Variants in ADARB2 observed in about 807,000 individuals in gnomAD.
The protein encoded by ADARB2 is inactive double-stranded RNA-specific editase B2.
Under a neutral mutation model 62.2 loss-of-function variants are expected in ADARB2, and 25 were observed. The observed-to-expected ratio is 0.40, with a 90% confidence interval of 0.29 to 0.56. ADARB2 has a LOEUF of 0.56. ADARB2 is among the 20% of genes least tolerant of loss of function. ADARB2 has a pLI of 0.43. For synonymous variants in ADARB2, 572 were observed against 500.8 expected, an observed-to-expected ratio of 1.14 and a Z score of -1.90; for missense variants, 1,071 against 1,077.4, an observed-to-expected ratio of 0.99 and a Z score of 0.08.
At chr10:1,632,034 AGACATTTTAATAAAATGCTGTTGATTT>A (rs1194078993) in intron 1 of ADARB2, among the ~76,000 whole-genome samples, 1 of 152,214 alleles carries the variant, frequency 6.6e-6, no homozygotes, top group African/African-American at 2.4e-5. Context: ...GGGAGGACTG[AGACATTTTAATAAAATGCTGTTGATTT>A]TCAAAGGTAT....
chr10:1,617,822 T>A (rs74108961), intron 1 of ADARB2, among the ~76,000 whole-genome samples: 2,338 of 152,294 alleles, frequency 0.015, 57 homozygotes, highest in African/African-American at 0.053. Context: ...CAGAGGGTTT[T>A]GCATTCTGTT....
chr10:1,434,096 G>C (rs1830806708), intron 1 of ADARB2, among the ~76,000 whole-genome samples: 2 of 152,156 alleles, frequency 1.3e-5, no homozygotes, highest in Non-Finnish European at 2.9e-5. Context: ...GTTAAAAAAG[G>C]GTTTGAGTTT....
At chr10:1,360,780 C>T (rs1243419077) in intron 3 of ADARB2, among the ~76,000 whole-genome samples, 1 of 152,200 alleles carries the variant, frequency 6.6e-6, no homozygotes, top group Non-Finnish European at 1.5e-5. Flanking sequence ...TAGGGACTGT[C>T]AGAGAAAAAT....
intron 1 of ADARB2, among the ~76,000 whole-genome samples, chr10:1,516,493 ATGCGGGCTGCTCTG>A (rs527933370): frequency 4.4e-4 from 67 of 150,970 alleles, no homozygotes; most frequent in Non-Finnish European, 5.8e-4. Context: ...GCTCTGTGCT[ATGCGGGCTGCTCTG>A]TGCGGGCTGC....
At chr10:1,317,599 T>A (rs1184934541) in intron 3 of ADARB2, among the ~76,000 whole-genome samples, 2 of 152,218 alleles carry the variant, frequency 1.3e-5, no homozygotes, top group Non-Finnish European at 2.9e-5. Flanking sequence ...TTGGGTTTGG[T>A]GCAGGAGTTG....
intron 1 of ADARB2, among the ~76,000 whole-genome samples, chr10:1,452,311 G>A (rs1193396678): frequency 6.6e-6 from 1 of 152,048 alleles, no homozygotes; most frequent in Non-Finnish European, 1.5e-5. Flanking sequence ...CTGTGTCTTG[G>A]GTTTGAATAA....
chr10:1,264,062 G>A (rs1254490916), intron 4 of ADARB2, among the ~76,000 whole-genome samples: 2 of 151,932 alleles, frequency 1.3e-5, no homozygotes, highest in East Asian at 1.9e-4. Flanking sequence ...GTACTCAGCC[G>A]TCGGCCTCCG....
At chr10:1,705,596 C>G (rs1173713156) in intron 1 of ADARB2, among the ~76,000 whole-genome samples, 1 of 152,244 alleles carries the variant, frequency 6.6e-6, no homozygotes, top group Non-Finnish European at 1.5e-5. Flanking sequence ...CAAGCTTAAT[C>G]TGAAAATTTC....
In ADARB2 at chr10:1,185,188, C is replaced by T. The variant is rs76394467; in HGVS notation, c.1865-149G>A. On this transcript the variant is annotated intron_variant, in intron 8 of 9. Transcript: ENST00000381312. ...AGGACTGGCCAGTTCACGTGTCACC[C>T]GCAGGGCGGAGGCTGCAAATTGGGC... 4.3e-3 allele frequency: 4,700 copies of T among 1,095,348 alleles called. 164 individuals are homozygous for T. The African/African-American group carries it at 0.064, about 15-fold the overall frequency. The allele number at this position is 1,095,348 out of a possible 1,614,324, so 67.9% of individuals were successfully genotyped here. A position where few individuals can be genotyped will look rare whatever the true frequency, so the allele number is the denominator to read the frequency against.
intron 1 of ADARB2, among the ~76,000 whole-genome samples, chr10:1,714,716 T>G (rs1327618387): frequency 6.6e-6 from 1 of 152,180 alleles, no homozygotes; most frequent in African/African-American, 2.4e-5. Flanking sequence ...ATCTGAACCT[T>G]AGAAAGTGGC....
At chr10:1,341,951 T>G (rs1472385305) in intron 3 of ADARB2, among the ~76,000 whole-genome samples, 1 of 152,278 alleles carries the variant, frequency 6.6e-6, no homozygotes, top group Admixed American at 6.5e-5. Flanking sequence ...AACTTTTTCC[T>G]GAGCCACTTT....
At chr10:1,650,154 C>G (rs1397629643) in intron 1 of ADARB2, among the ~76,000 whole-genome samples, 1 of 152,254 alleles carries the variant, frequency 6.6e-6, no homozygotes, top group Admixed American at 6.5e-5. Flanking sequence ...ACGTTCATGA[C>G]TGCTCTCACA....
chr10:1,179,795 G>C lies in ADARB2; in HGVS notation c.*3398C>G, dbSNP rs1411297837. 6.6e-6 allele frequency: 1 copy of C among 152,386 alleles called. No homozygotes were observed. The highest frequency in any genetic ancestry group is 1.5e-5 in the Non-Finnish European group (1 of 68,106). 9.4% of individuals were successfully genotyped at this position (152,386 alleles called of 1,614,324 possible). On this transcript the variant is annotated 3_prime_UTR_variant, in exon 10 of 10. Coordinates refer to ENST00000381312, the MANE Select transcript of ADARB2 (RefSeq NM_018702.4). ...AAAATCTGAAGCAAGGGGCTTGGCG[G>C]TGTCAGGTGGTGGGAAGTGCGAGGA...
At position 1,487,504 on chromosome 10, in the gene ADARB2, C is replaced by A. The variant is rs541007211; in HGVS notation, c.101-108344G>T. ...GGGCTCACCCATGCCCTGCCCTGAC[C>A]TGCTCCCGGCCCTGGGTTGTGGGCG... is the stretch of plus-strand genomic sequence containing the variant. On this transcript the variant is annotated intron_variant, in intron 1 of 9. Transcript: ENST00000381312. 4.6e-5 allele frequency among the ~76,000 whole-genome samples: 7 copies of A among 152,302 alleles called. No individual in the cohort carries two copies. In the East Asian group the frequency reaches 1.2e-3, roughly 25 times the overall value.
intron 1 of ADARB2, among the ~76,000 whole-genome samples, chr10:1,702,661 C>A (rs541721165): frequency 3.3e-5 from 5 of 152,334 alleles, no homozygotes; most frequent in African/African-American, 1.2e-4. Flanking sequence ...CACTGTAAGA[C>A]CTTCTGCCCC....
chr10:1,316,267 G>A (rs116934231), intron 3 of ADARB2, among the ~76,000 whole-genome samples: 1 of 152,254 alleles, frequency 6.6e-6, no homozygotes, highest in East Asian at 1.9e-4. Flanking sequence ...CAGCAGGGAA[G>A]GGAGTGGATG....
chr10:1,513,337 G>T (rs1831962861), intron 1 of ADARB2, among the ~76,000 whole-genome samples: 1 of 152,200 alleles, frequency 6.6e-6, no homozygotes, highest in South Asian at 2.1e-4. Flanking sequence ...TCAGTGACAA[G>T]GCTGGCTATG....
intron 4 of ADARB2, among the ~76,000 whole-genome samples, chr10:1,243,040 C>T (rs957521036): frequency 2.0e-5 from 3 of 152,232 alleles, no homozygotes; most frequent in East Asian, 3.8e-4. Flanking sequence ...ATTTTCTCTG[C>T]ACTTAGATGG....
intron 1 of ADARB2, among the ~76,000 whole-genome samples, chr10:1,522,784 C>T (rs945188656): frequency 3.3e-5 from 5 of 152,216 alleles, no homozygotes; most frequent in Admixed American, 3.3e-4. Context: ...ACTTCTACTT[C>T]TCAGAATACT....
Sources: allele counts gnomAD v4.1 joint callset (sites outside exome capture counted in the v4.1 genomes callset), GRCh38; gene constraint gnomAD v4.1.1; transcripts MANE v1.5; gene names NCBI Gene and HGNC (gene_info 2026-07-23, HGNC 2026-07-21).